Variants in PPP3CB observed in about 807,000 individuals in gnomAD.
The protein encoded by PPP3CB is serine/threonine-protein phosphatase 2B catalytic subunit beta isoform.
Under a neutral mutation model 66.4 loss-of-function variants are expected in PPP3CB, and 8 were observed. The ratio of observed to expected loss-of-function variants is 0.12; its 90% confidence interval spans 0.07 to 0.22. The LOEUF (loss-of-function observed/expected upper bound fraction) is 0.22. Ranked by LOEUF, PPP3CB falls within the 10% of genes least tolerant of loss-of-function variation. PPP3CB has a pLI of 1.00. For synonymous variants in PPP3CB, 208 were observed against 221.2 expected, an observed-to-expected ratio of 0.94 and a Z score of 0.53; for missense variants, 319 against 642.5, an observed-to-expected ratio of 0.50 and a Z score of 5.44.
chr10:73,470,572 T>C (rs1468289754), intron 8 of PPP3CB, 115 bp downstream of exon 8: 1 of 626,692 alleles, frequency 1.6e-6, no homozygotes, highest in Non-Finnish European at 2.6e-6. Context: ...TACAGTTATT[T>C]ATAAAGAAAT....
chr10:73,439,959 T>C (rs948244481), intron 12 of PPP3CB, 58 bp from the exon 13 acceptor site: 28 of 1,515,342 alleles, frequency 1.8e-5, no homozygotes, highest in African/African-American at 2.8e-5. Context: ...AAGGGTCATA[T>C]TGTACAGCAG....
chr10:73,473,408 C>T (rs1041865010), intron 4 of PPP3CB, among the ~76,000 whole-genome samples: 1 of 152,172 alleles, frequency 6.6e-6, no homozygotes, highest in Non-Finnish European at 1.5e-5. Context: ...AATCCCAGCA[C>T]TTTGGGAGGA....
At chr10:73,439,338 A>T (rs1226276443) in intron 13 of PPP3CB, among the ~76,000 whole-genome samples, 1 of 152,196 alleles carries the variant, frequency 6.6e-6, no homozygotes, top group Non-Finnish European at 1.5e-5. Flanking sequence ...TATGAACATA[A>T]TCTTATCCAT....
Position 73,495,859 on chromosome 10 carries a change from G to A in PPP3CB, c.31C>T (p.Pro11Ser), listed in dbSNP as rs1242667807. Residue 11 changes from proline to serine, a missense_variant, in exon 1 of 14, where the codon CCG (proline) becomes TCG (serine). By Grantham distance (74) the Pro-to-Ser change is moderately conservative. This residue lies in a region of PPP3CB where 104 missense variants were observed against 128.4 expected (regional missense o/e 0.81). Transcript: ENST00000360663. ...GGCGGCGGGGGCGGGGGTGGGGGCGGTGCAGCCCGGGCCGGCTCCGGGGCG... is the reference window on the plus strand; with the variant it reads ...GGCGGCGGGGGCGGGGGTGGGGGCGATGCAGCCCGGGCCGGCTCCGGGGCG... MAAPEPARAAPPPPPPPPPPP... is the reference protein window; with the variant it reads MAAPEPARAASPPPPPPPPPP... 7.0e-7 allele frequency: 1 copy of A among 1,433,506 alleles called. No homozygotes were observed. Among genetic ancestry groups the A allele is most frequent in the Non-Finnish European group, 9.2e-7 (1 of 1,092,848 alleles). 88.8% of individuals were successfully genotyped at this position (1,433,506 alleles called of 1,614,324 possible).
At chr10:73,477,161 A>C (rs775145191) in intron 3 of PPP3CB, 2 of 518,846 alleles carry the variant, frequency 3.9e-6, no homozygotes, top group South Asian at 2.8e-5. Context: ...TACTTACCTC[A>C]TTAATATTAT....
At position 73,471,059 on chromosome 10, in the gene PPP3CB, T is replaced by C; in HGVS notation, c.809+11A>G. On this transcript the variant is annotated intron_variant, in intron 6 of 13. Transcript: ENST00000360663. ...ACTAAAATGTGATTAATCTTGGATA[T>C]TTTTCCTTACTTATAAAAATAAGAA... 1 of 1,601,532 alleles carries C rather than the reference T, an allele frequency of 6.2e-7. No homozygotes were observed. The highest frequency in any genetic ancestry group is 8.5e-7 in the Non-Finnish European group (1 of 1,170,422).
Position 73,485,799 on chromosome 10 carries a change from G to A in PPP3CB, c.86-6282C>T, listed in dbSNP as rs569981896. On this transcript the variant is annotated intron_variant, in intron 1 of 13. Coordinates refer to ENST00000360663, the MANE Select transcript of PPP3CB (RefSeq NM_021132.4). ...ATCGTCGCCGGGGCTGGAATGCAGT[G>A]GCAGGATCTCAGCTCACTGAAACCC... 9.2e-5 allele frequency among the ~76,000 whole-genome samples: 14 copies of A among 152,104 alleles called. No homozygotes were observed. In the East Asian group the frequency reaches 2.7e-3, roughly 29 times the overall value.
intron 9 of PPP3CB, among the ~76,000 whole-genome samples, chr10:73,460,265 C>CAAAA (rs11447229): frequency 0.056 from 1,989 of 35,742 alleles, 144 homozygotes; most frequent in African/African-American, 0.16. Flanking sequence ...AAAGTAATAG[C>CAAAA]AAAAAAAAAA....
rs560106074 is a variant in PPP3CB, at chr10:73,441,308, C to T, written c.1367-1407G>A. On this transcript the variant is annotated intron_variant, in intron 12 of 13. Transcript: ENST00000360663. The stretch of plus-strand genomic sequence containing the variant: ...TTAATTTTCCTTAACTGTTAAACTA[C>T]ATTACAAATCGGGCAGGACATGGAA... 5.3e-5 allele frequency among the ~76,000 whole-genome samples: 8 copies of T among 152,274 alleles called. No individual in the cohort carries two copies. In the South Asian group the frequency reaches 1.4e-3, roughly 28 times the overall value.
At chr10:73,451,610 A>G (rs1208875188) in intron 10 of PPP3CB, among the ~76,000 whole-genome samples, 1 of 152,024 alleles carries the variant, frequency 6.6e-6, no homozygotes, top group Non-Finnish European at 1.5e-5. Context: ...GGAAGGAAAA[A>G]CAAAAGACTT....
chr10:73,479,453 G>A lies in PPP3CB; in HGVS notation c.150C>T (p.Pro50=), dbSNP rs2056840371. 1.2e-6 allele frequency: 2 copies of A among 1,614,070 alleles called. No individual in the cohort carries two copies. Among genetic ancestry groups the A allele is most frequent in the South Asian group, 1.1e-5 (1 of 91,080 alleles). The stretch of plus-strand genomic sequence containing the variant: ...AGTGGTTCTTCAGAACATCAACCCT[G>A]GGTATCCCATCCAAATCAAATACTT... ...SEEVFDLDGI[P]RVDVLKNHLV... Residue 50 remains proline (P), a synonymous_variant, in exon 2 of 14, where the codon CCC becomes CCT. Coordinates refer to ENST00000360663, the MANE Select transcript of PPP3CB (RefSeq NM_021132.4).
At chr10:73,474,201 C>A (rs928852682) in intron 4 of PPP3CB, among the ~76,000 whole-genome samples, 11 of 149,606 alleles carry the variant, frequency 7.4e-5, no homozygotes, top group African/African-American at 2.0e-4. Flanking sequence ...TGTCACCACG[C>A]CTGGCTAATT....
chr10:73,484,030 T>C (rs148354270), intron 1 of PPP3CB, among the ~76,000 whole-genome samples: 6,593 of 151,834 alleles, frequency 0.043, 440 homozygotes, highest in African/African-American at 0.14. Flanking sequence ...TAGTCCCAGC[T>C]ACTTTGGAGG....
intron 3 of PPP3CB, among the ~76,000 whole-genome samples, chr10:73,477,891 T>A (rs1447266429): frequency 1.3e-5 from 2 of 151,760 alleles, no homozygotes; most frequent in African/African-American, 4.9e-5. Flanking sequence ...TACTCCAGCA[T>A]GGGCCACAGA....
At chr10:73,460,758 C>T (rs905276917) in intron 9 of PPP3CB, among the ~76,000 whole-genome samples, 1 of 152,224 alleles carries the variant, frequency 6.6e-6, no homozygotes. Context: ...CCAGAACAGC[C>T]TCAGGACACT....
intron 1 of PPP3CB, among the ~76,000 whole-genome samples, chr10:73,488,201 T>A (rs2057018411): frequency 6.6e-6 from 1 of 152,124 alleles, no homozygotes; most frequent in South Asian, 2.1e-4. Context: ...GTAGCATATG[T>A]CTTTATACCA....
intron 10 of PPP3CB, among the ~76,000 whole-genome samples, chr10:73,447,745 AT>A (rs910814068): frequency 6.6e-6 from 1 of 152,182 alleles, no homozygotes. Flanking sequence ...CAAAAGACAT[AT>A]TTTAGGGGAA....
intron 3 of PPP3CB, among the ~76,000 whole-genome samples, chr10:73,475,282 A>G (rs1363968542): frequency 6.6e-6 from 1 of 152,214 alleles, no homozygotes; most frequent in African/African-American, 2.4e-5. Flanking sequence ...CAAACAATCT[A>G]TTTAATTACT....
rs572797760 is a variant in PPP3CB, at chr10:73,472,605, C to T, written c.524-992G>A. On this transcript the variant is annotated intron_variant, in intron 4 of 13. Coordinates refer to ENST00000360663, the MANE Select transcript of PPP3CB (RefSeq NM_021132.4). ...ACTTGAGGTTAAAATCATTTTAATA[C>T]TTGCTTTATTTTATTCTAAGAGTCA... is the stretch of plus-strand genomic sequence containing the variant. Among the ~76,000 whole-genome samples the T allele has an allele frequency of 2.0e-5, 3 of 151,442 alleles. No individual in the cohort carries two copies. The East Asian group carries it at 5.8e-4, about 29-fold the overall frequency.
Sources: allele counts gnomAD v4.1 joint callset (sites outside exome capture counted in the v4.1 genomes callset), GRCh38; gene constraint gnomAD v4.1.1; regional missense constraint gnomAD v4.1.1; transcripts MANE v1.5; gene names NCBI Gene and HGNC (gene_info 2026-07-23, HGNC 2026-07-21).